Variants in RAP1GDS1 observed in about 807,000 individuals in gnomAD.
RAP1GDS1 encodes the protein Rap1 GTPase-GDP dissociation stimulator 1.
RAP1GDS1 carries 35 observed loss-of-function variants against 71.1 expected under a neutral mutation model. That is an observed-to-expected ratio of 0.49 (90% confidence interval 0.38 to 0.65). RAP1GDS1 has a LOEUF of 0.65. RAP1GDS1 is among the 30% of genes least tolerant of loss of function. The probability of loss-of-function intolerance (pLI) is 0.00; values close to 1 mark genes in which losing one functional copy is unlikely to be tolerated. For missense variants in RAP1GDS1, 663 were observed against 706.1 expected (o/e 0.94, Z 0.69); for synonymous variants, 229 against 243.1 (o/e 0.94, Z 0.54).
chr4:98,277,207 G>A (rs1212696448), intron 1 of RAP1GDS1, among the ~76,000 whole-genome samples: 3 of 152,056 alleles, frequency 2.0e-5, no homozygotes, highest in Admixed American at 6.6e-5. Flanking sequence ...TGTCCCTTTC[G>A]GACATTTCCA....
At chr4:98,439,205 G>A (rs998935086) in intron 14 of RAP1GDS1, among the ~76,000 whole-genome samples, 2 of 152,124 alleles carry the variant, frequency 1.3e-5, no homozygotes, top group African/African-American at 2.4e-5. Flanking sequence ...AGGATTCTGG[G>A]TTCACAGTTC....
intron 1 of RAP1GDS1, among the ~76,000 whole-genome samples, chr4:98,263,207 T>C (rs1330293356): frequency 6.6e-6 from 1 of 152,132 alleles, no homozygotes; most frequent in Non-Finnish European, 1.5e-5. Flanking sequence ...TCAAAGGAAA[T>C]ATACAGTATG....
Position 98,417,477 on chromosome 4 carries a change from A to C in RAP1GDS1, c.1018A>C (p.Ile340Leu). 6.2e-7 allele frequency: 1 copy of C among 1,613,892 alleles called. No homozygotes were observed. Among genetic ancestry groups the C allele is most frequent in the Non-Finnish European group, 8.5e-7 (1 of 1,179,860 alleles). ...HQLQLAGALA[I>L]ANFARNDANC... ...GCTACAGCTTGCTGGAGCATTGGCA[A>C]TTGCAAATTTTGCCAGAAATGGTAA... The change falls in exon 9 of 15, where the codon ATT becomes CTT. Residue 340 changes from isoleucine (I) to leucine (L), a missense_variant. Ile to Leu is a conservative substitution (Grantham distance 5). Coordinates refer to ENST00000408927, the MANE Select transcript of RAP1GDS1 (RefSeq NM_001100427.2).
intron 4 of RAP1GDS1, among the ~76,000 whole-genome samples, chr4:98,371,996 A>G (rs776733953): frequency 1.3e-5 from 2 of 152,146 alleles, no homozygotes; most frequent in Non-Finnish European, 2.9e-5. Context: ...GGTTGGCTTC[A>G]AATCTACCAT....
intron 3 of RAP1GDS1, among the ~76,000 whole-genome samples, chr4:98,346,266 C>G (rs1038100148): frequency 1.3e-5 from 2 of 152,104 alleles, no homozygotes; most frequent in Admixed American, 1.3e-4. Context: ...CCTGAGTGCT[C>G]TTAACAACAA....
chr4:98,437,888 G>T (rs1751365667), intron 14 of RAP1GDS1, among the ~76,000 whole-genome samples: 1 of 151,968 alleles, frequency 6.6e-6, no homozygotes, highest in Non-Finnish European at 1.5e-5. Context: ...CACCTGAAAA[G>T]AGTGTGTATT....
chr4:98,286,486 G>T (rs28589745), intron 1 of RAP1GDS1, among the ~76,000 whole-genome samples: 1 of 151,984 alleles, frequency 6.6e-6, no homozygotes, highest in Admixed American at 6.6e-5. Flanking sequence ...GTTTAATATT[G>T]TAGTTGTGAA....
Position 98,442,034 on chromosome 4 carries a change from G to A in RAP1GDS1, c.1741G>A (p.Val581Ile), listed in dbSNP as rs200477763. The A allele has an allele frequency of 6.4e-5, 104 of 1,613,912 alleles. No individual in the cohort carries two copies. The highest frequency in any genetic ancestry group is 1.3e-4 in the African/African-American group (10 of 75,010). Residue 581 changes from valine to isoleucine, a missense_variant, in exon 15 of 15, where the codon GTA (valine) becomes ATA (isoleucine). Physicochemically the swap from Val to Ile is conservative, Grantham distance 29. Transcript: ENST00000408927. ...EVQDLAFLDV[V>I]SKLRSHENKS... is the part of the protein sequence containing the mutation. The stretch of plus-strand genomic sequence containing the variant: ...ACAGGATTTGGCTTTTCTAGATGTC[G>A]TATCCAAACTTCGCAGTCATGAGAA...
chr4:98,430,555 TA>T (rs1750258413), intron 12 of RAP1GDS1, among the ~76,000 whole-genome samples: 1 of 152,210 alleles, frequency 6.6e-6, no homozygotes, highest in African/African-American at 2.4e-5. Flanking sequence ...AAATAGTAAT[TA>T]TTTTTTTCTT....
chr4:98,360,254 G>A (rs937005352), intron 4 of RAP1GDS1, among the ~76,000 whole-genome samples: 2 of 152,094 alleles, frequency 1.3e-5, no homozygotes, highest in East Asian at 1.9e-4. Context: ...TTATAGATAC[G>A]AAAGTAGAGG....
At chr4:98,319,175 T>C (rs1432360591) in intron 2 of RAP1GDS1, among the ~76,000 whole-genome samples, 1 of 152,212 alleles carries the variant, frequency 6.6e-6, no homozygotes, top group Non-Finnish European at 1.5e-5. Context: ...AGAGTCTGTG[T>C]CTTGTTAGCC....
At chr4:98,317,829 T>A (rs1363566925) in intron 2 of RAP1GDS1, among the ~76,000 whole-genome samples, 2 of 147,054 alleles carry the variant, frequency 1.4e-5, no homozygotes, top group Non-Finnish European at 3.0e-5. Flanking sequence ...TATATATATT[T>A]TTTTTTCTTT....
In RAP1GDS1 at chr4:98,363,478, C is replaced by CAAA. The variant is rs34393905; in HGVS notation, c.361+10902_361+10904dup. Reference sequence around the variant, plus strand: ...CCTAAATAACAGTGAGACCCTGTCTCAAAAAAAAAAAAAAAAAAAAAAAAA... The same window carrying CAAA: ...CCTAAATAACAGTGAGACCCTGTCTCAAAAAAAAAAAAAAAAAAAAAAAAAAAA... On this transcript the variant is annotated intron_variant, in intron 4 of 14. Transcript: ENST00000408927. Among the ~76,000 whole-genome samples, 74 of 37,732 alleles carry CAAA rather than the reference C, an allele frequency of 2.0e-3. 8 individuals are homozygous for CAAA. Among genetic ancestry groups the CAAA allele is most frequent in the African/African-American group, 6.0e-3 (61 of 10,118 alleles). 24.8% of individuals were successfully genotyped at this position (37,732 alleles called of 152,430 possible).
intron 5 of RAP1GDS1, among the ~76,000 whole-genome samples, chr4:98,390,337 A>T (rs2110124566): frequency 6.6e-6 from 1 of 152,354 alleles, no homozygotes; most frequent in Middle Eastern, 3.4e-3. Context: ...TCAAAAGTAT[A>T]AATACAGATT....
chr4:98,436,942 ACTG>A lies in RAP1GDS1; in HGVS notation c.1574_1576del (p.Ala525del), dbSNP rs1166739654. ...GATATACTTTGTTTTATTTGTAGGC[ACTG>A]CTGAGAAAGATCTAGAAAGTGCTAA... On this transcript the variant is annotated inframe_deletion, in exon 14 of 15. Transcript: ENST00000408927. The A allele has an allele frequency of 6.2e-7, 1 of 1,601,266 alleles. No homozygotes were observed. Among genetic ancestry groups the A allele is most frequent in the Non-Finnish European group, 8.5e-7 (1 of 1,176,006 alleles).
intron 2 of RAP1GDS1, among the ~76,000 whole-genome samples, chr4:98,307,193 T>G (rs1409562825): frequency 2.0e-5 from 3 of 152,046 alleles, no homozygotes; most frequent in Non-Finnish European, 2.9e-5. Context: ...TTATACATAT[T>G]TCTATCATGG....
At chr4:98,302,681 T>G (rs959704754) in intron 2 of RAP1GDS1, among the ~76,000 whole-genome samples, 3 of 152,114 alleles carry the variant, frequency 2.0e-5, no homozygotes, top group African/African-American at 7.2e-5. Flanking sequence ...AGGAAAACTT[T>G]TAGACTTTAA....
chr4:98,351,375 C>A (rs1737164143), intron 3 of RAP1GDS1, among the ~76,000 whole-genome samples: 2 of 152,146 alleles, frequency 1.3e-5, no homozygotes, highest in Admixed American at 1.3e-4. Flanking sequence ...AAGAAGTTGT[C>A]TCAGAGGTGA....
intron 1 of RAP1GDS1, among the ~76,000 whole-genome samples, chr4:98,292,797 G>A (rs1727166824): frequency 6.6e-6 from 1 of 152,092 alleles, no homozygotes; most frequent in Admixed American, 6.6e-5. Flanking sequence ...TTTTAATAGT[G>A]TAAAGAGGTT....
Sources: allele counts gnomAD v4.1 joint callset (sites outside exome capture counted in the v4.1 genomes callset), GRCh38; gene constraint gnomAD v4.1.1; transcripts MANE v1.5; gene names NCBI Gene and HGNC (gene_info 2026-07-23, HGNC 2026-07-21).